Variants in SPATS2L observed in about 807,000 individuals in gnomAD.
SPATS2L encodes spermatogenesis associated serine rich 2 like, also known as SPATS2-like protein.
A neutral mutation model predicts 59.6 loss-of-function variants in SPATS2L; 30 were observed. The ratio of observed to expected loss-of-function variants is 0.50; its 90% CI spans 0.38 to 0.68. The LOEUF is 0.68. Ranked by LOEUF, SPATS2L falls within the 30% of genes least tolerant of loss-of-function variation. The pLI, the probability that SPATS2L is intolerant of heterozygous loss-of-function variation, is 0.00. For missense variants in SPATS2L, 615 were observed against 700.0 expected (o/e 0.88, Z 1.37); for synonymous variants, 252 against 263.5 (o/e 0.96, Z 0.42).
intron 6 of SPATS2L, among the ~76,000 whole-genome samples, chr2:200,426,569 A>C (rs1426823511): frequency 6.6e-6 from 1 of 151,904 alleles, no homozygotes. Context: ...CTCTAAAAAA[A>C]CTTAAAAATT....
intron 2 of SPATS2L, among the ~76,000 whole-genome samples, chr2:200,355,186 G>T (rs1574477485): frequency 6.6e-6 from 1 of 152,142 alleles, no homozygotes; most frequent in African/African-American, 2.4e-5. Flanking sequence ...TGGCACTGCT[G>T]TGGAGACCGC....
chr2:200,354,616 A>G lies in SPATS2L; in HGVS notation c.-23+25136A>G, dbSNP rs554368395. Among the ~76,000 whole-genome samples the G allele has an allele frequency of 1.6e-4, 24 of 150,700 alleles. No homozygotes were observed. The Middle Eastern group carries it at 0.01, about 65-fold the overall frequency. On this transcript the variant is annotated intron_variant, in intron 2 of 12. Coordinates refer to ENST00000409140, the MANE Select transcript of SPATS2L (RefSeq NM_001100423.2). ...GAGCAAGACTCCGTCTCAAAAAAAA[A>G]GAGAATGGAGTTCAGCCTTTTCTTC...
At chr2:200,433,133 T>C (rs1595404) in intron 6 of SPATS2L, among the ~76,000 whole-genome samples, 62,804 of 152,014 alleles carry the variant, frequency 0.41, 13,126 homozygotes, top group Middle Eastern at 0.49. Flanking sequence ...ATCAAAAAGA[T>C]ATAACACCTC....
rs2082103959 is a variant in SPATS2L, at chr2:200,389,496, CT to C, written c.39+215del. The C allele has an allele frequency of 8.4e-6, 4 of 475,056 alleles. No individual in the cohort carries two copies. In the East Asian group the frequency reaches 1.0e-4, roughly 12 times the overall value. 29.4% of individuals were successfully genotyped at this position (475,056 alleles called of 1,614,324 possible). On this transcript the variant is annotated intron_variant, in intron 3 of 12. Coordinates refer to ENST00000409140, the MANE Select transcript of SPATS2L (RefSeq NM_001100423.2). ...TATGACACTCATTTTTTCATTTACT[CT>C]TGACCATAACCCCATAAAGAAGATA...
At position 200,388,950 on chromosome 2, in the gene SPATS2L, A is replaced by G. The variant is rs527373832; in HGVS notation, c.-22-273A>G. On this transcript the variant is annotated intron_variant, in intron 2 of 12. Coordinates refer to ENST00000409140, the MANE Select transcript of SPATS2L (RefSeq NM_001100423.2). ...GACCACCTTTCTTTTACATAATAGG[A>G]AGAAACACAATTTAGATAAATTCCC... 2.6e-5 allele frequency among the ~76,000 whole-genome samples: 4 copies of G among 152,320 alleles called. No individual in the cohort carries two copies. In the South Asian group the frequency reaches 8.3e-4, roughly 32 times the overall value.
chr2:200,416,390 C>A lies in SPATS2L; in HGVS notation c.160C>A (p.Gln54Lys). The part of the protein sequence containing the change: ...VQAFVDGSAI[Q>K]VLKEWNMTGK... ...TTGTCTTTATCTAGGCAGTGCAATT[C>A]AAGTTCTAAAAGAATGGAATATGAC... The change falls in exon 5 of 13, where the codon CAA becomes AAA. Residue 54 changes from glutamine (Q) to lysine (K), a missense_variant. Transcript: ENST00000409140. 1.3e-6 allele frequency: 2 copies of A among 1,484,700 alleles called. No individual in the cohort carries two copies. Among genetic ancestry groups the A allele is most frequent in the South Asian group, 1.4e-5 (1 of 71,350 alleles). 92.0% of individuals were successfully genotyped at this position (1,484,700 alleles called of 1,614,324 possible).
Position 200,479,377 on chromosome 2 carries a change from C to G in SPATS2L, c.*1346C>G, listed in dbSNP as rs2087726079. On this transcript the variant is annotated 3_prime_UTR_variant, in exon 13 of 13. Transcript: ENST00000409140. ...CAGAGCAAGTGTCTTTCTCAGAAAT[C>G]CCAGCAAAGGTCTTGCATACCATTG... 2.5e-6 allele frequency: 1 copy of G among 395,782 alleles called. No individual in the cohort carries two copies. Among genetic ancestry groups the G allele is most frequent in the Non-Finnish European group, 4.4e-6 (1 of 224,880 alleles). 24.5% of individuals were successfully genotyped at this position (395,782 alleles called of 1,614,324 possible).
At chr2:200,435,682 T>A (rs1458637303) in intron 6 of SPATS2L, among the ~76,000 whole-genome samples, 2 of 152,152 alleles carry the variant, frequency 1.3e-5, no homozygotes, top group Non-Finnish European at 2.9e-5. Context: ...CAGAGGATAT[T>A]TTAAGGCTTC....
chr2:200,453,560 G>T lies in SPATS2L; in HGVS notation c.789-6209G>T, dbSNP rs1037465625. Among the ~76,000 whole-genome samples, 4 of 152,182 alleles carry T rather than the reference G, an allele frequency of 2.6e-5. No homozygotes were observed. In the South Asian group the frequency reaches 8.3e-4, roughly 31 times the overall value. On this transcript the variant is annotated intron_variant, in intron 8 of 12. Transcript: ENST00000409140. ...TGTATAAAGGAAGTTTTCCTGCCTT[G>T]CAACTAGTGGGCAAAATTTAAGGGA...
intron 2 of SPATS2L, among the ~76,000 whole-genome samples, chr2:200,361,368 G>T (rs2081101716): frequency 6.6e-6 from 1 of 152,170 alleles, no homozygotes; most frequent in Non-Finnish European, 1.5e-5. Flanking sequence ...GAGGGACCTT[G>T]TTGAGATAAT....
At chr2:200,435,692 C>T (rs1432102704) in intron 6 of SPATS2L, among the ~76,000 whole-genome samples, 1 of 152,134 alleles carries the variant, frequency 6.6e-6, no homozygotes, top group Non-Finnish European at 1.5e-5. Context: ...TTTAAGGCTT[C>T]ACTAAAACAA....
intron 10 of SPATS2L, among the ~76,000 whole-genome samples, chr2:200,469,323 C>G (rs555813265): frequency 6.6e-6 from 1 of 152,302 alleles, no homozygotes; most frequent in South Asian, 2.1e-4. Flanking sequence ...CTGGTAAACT[C>G]AAGAAGGGAC....
intron 9 of SPATS2L, among the ~76,000 whole-genome samples, chr2:200,466,254 A>G (rs931162294): frequency 5.3e-5 from 8 of 152,246 alleles, no homozygotes; most frequent in African/African-American, 1.9e-4. Context: ...TTGTTCAGCC[A>G]AGCATAGAAT....
At chr2:200,448,151 C>CA (rs1461618551) in intron 8 of SPATS2L, among the ~76,000 whole-genome samples, 1 of 152,038 alleles carries the variant, frequency 6.6e-6, no homozygotes, top group Non-Finnish European at 1.5e-5. Flanking sequence ...GTCTCAAAAA[C>CA]AAACAAACGG....
At chr2:200,408,885 A>G (rs998282013) in intron 3 of SPATS2L, among the ~76,000 whole-genome samples, 2 of 152,272 alleles carry the variant, frequency 1.3e-5, no homozygotes, top group African/African-American at 4.8e-5. Flanking sequence ...CTGTTTCTAG[A>G]TAGCACATGG....
At position 200,477,914 on chromosome 2, in the gene SPATS2L, C is replaced by CA; in HGVS notation, c.1561dup (p.Arg521LysfsTer6). The CA allele has an allele frequency of 6.2e-7, 1 of 1,612,242 alleles. No individual in the cohort carries two copies. The highest frequency in any genetic ancestry group is 8.5e-7 in the Non-Finnish European group (1 of 1,179,598). On this transcript the variant is annotated frameshift_variant, in exon 13 of 13. Transcript: ENST00000409140. LOFTEE classifies it high-confidence loss of function. The stretch of plus-strand genomic sequence containing the variant: ...AGCACGCTGCAGACACCTCGGAGGC[C>CA]AGGCCCTTCCGGGGTAGTGTCGGTA...
chr2:200,394,494 CTG>C (rs2082270764), intron 3 of SPATS2L, among the ~76,000 whole-genome samples: 2 of 152,140 alleles, frequency 1.3e-5, no homozygotes, highest in Admixed American at 1.3e-4. Flanking sequence ...CCATGTGAGA[CTG>C]TGCTTCTTGG....
chr2:200,446,582 A>G (rs897669728), intron 8 of SPATS2L, among the ~76,000 whole-genome samples: 1 of 152,144 alleles, frequency 6.6e-6, no homozygotes, highest in Non-Finnish European at 1.5e-5. Context: ...TCCTGTAAGA[A>G]TGAATTACCT....
At chr2:200,420,412 C>T (rs2083260814) in intron 6 of SPATS2L, among the ~76,000 whole-genome samples, 1 of 150,468 alleles carries the variant, frequency 6.6e-6, no homozygotes, top group African/African-American at 2.5e-5. Context: ...TTTACACCCA[C>T]TTATAATGAA....
Sources: gnomAD v4.1 joint callset for allele counts (sites outside exome capture counted in the v4.1 genomes callset) on GRCh38, gnomAD v4.1.1 for gene constraint, MANE v1.5 for transcripts, NCBI Gene and HGNC (gene_info 2026-07-23, HGNC 2026-07-21) for gene names.